Variants in TMEM11 observed in about 807,000 individuals in gnomAD.
TMEM11 encodes transmembrane protein 11, mitochondrial.
TMEM11 carries 1 observed loss-of-function variant against 17.0 expected under a neutral mutation model. That is an observed-to-expected ratio of 0.06 (90% CI 0.02 to 0.28). The LOEUF (loss-of-function observed/expected upper bound fraction) is 0.28. Ranked by LOEUF, TMEM11 falls within the 10% of genes least tolerant of loss-of-function variation. The pLI is 1.00. For missense variants in TMEM11, 172 were observed against 252.9 expected (o/e 0.68, Z 2.17); for synonymous variants, 122 against 118.1 (o/e 1.03, Z -0.21).
At chr17:21,212,353 G>A (rs1228492997) in intron 1 of TMEM11, among the ~76,000 whole-genome samples, 2 of 75,106 alleles carry the variant, frequency 2.7e-5, no homozygotes, top group African/African-American at 4.5e-5. Context: ...CAAGCTGACA[G>A]GTGATTTGAG....
At chr17:21,209,398 G>A (rs771378167) in intron 1 of TMEM11, among the ~76,000 whole-genome samples, 2 of 152,188 alleles carry the variant, frequency 1.3e-5, no homozygotes, top group African/African-American at 4.8e-5. Context: ...GGGAACAGTC[G>A]CCAAGCACTG....
At chr17:21,205,398 G>C (rs1974931714) in intron 1 of TMEM11, among the ~76,000 whole-genome samples, 1 of 152,164 alleles carries the variant, frequency 6.6e-6, no homozygotes, top group Admixed American at 6.6e-5. Flanking sequence ...GCCACTGAAA[G>C]CCAACTATAA....
At chr17:21,210,102 C>T (rs1974986869) in intron 1 of TMEM11, among the ~76,000 whole-genome samples, 3 of 152,214 alleles carry the variant, frequency 2.0e-5, no homozygotes, top group Non-Finnish European at 4.4e-5. Context: ...GGAGCCACCT[C>T]CCCACCTCCG....
intron 1 of TMEM11, among the ~76,000 whole-genome samples, chr17:21,201,192 T>C (rs1974879343): frequency 6.6e-6 from 1 of 152,254 alleles, no homozygotes; most frequent in Non-Finnish European, 1.5e-5. Context: ...ATGGGCTGAC[T>C]GTGCCCCCAA....
chr17:21,199,200 A>G lies in TMEM11; in HGVS notation c.63-360T>C, dbSNP rs1460579760. On this transcript the variant is annotated intron_variant, in intron 1 of 1. Coordinates refer to ENST00000317635, the MANE Select transcript of TMEM11 (RefSeq NM_003876.3). Reference sequence around the variant, plus strand: ...TAGCCAGGTGTGGTGGCGCATGCCTATAATCCCTGTAATCTACTCGGGAGG... The same window carrying G: ...TAGCCAGGTGTGGTGGCGCATGCCTGTAATCCCTGTAATCTACTCGGGAGG... Among the ~76,000 whole-genome samples the G allele has an allele frequency of 2.0e-5, 3 of 151,840 alleles. No homozygotes were observed. The East Asian group carries it at 5.8e-4, about 29-fold the overall frequency.
chr17:21,198,790 C>T lies in TMEM11; in HGVS notation c.113G>A (p.Gly38Glu), dbSNP rs1295260523. 3.1e-6 allele frequency: 5 copies of T among 1,613,968 alleles called. No individual in the cohort carries two copies. Among genetic ancestry groups the T allele is most frequent in the East Asian group, 2.2e-5 (1 of 44,874 alleles). The change falls in exon 2 of 2, where the codon GGG (glycine) becomes GAG (glutamate). Residue 38 changes from glycine (G) to glutamate (E), a missense_variant. By Grantham distance (98) the Gly-to-Glu change is moderately conservative. Around this residue, in one of 2 missense-constraint regions of TMEM11, gnomAD observed 123 missense variants for 213.6 expected, o/e 0.58. Transcript: ENST00000317635. This position sits in a 1 kb window ranked among gnomAD's most constrained non-coding sequence, Gnocchi z 6.5. ...DCYIVHEIYN[G>E]ENAQDQFEYE... ...CTCAAACTGGTCTTGGGCATTCTCC[C>T]CATTGTAGATCTCATGCACAATGTA...
At chr17:21,200,584 G>A (rs1974872646) in intron 1 of TMEM11, among the ~76,000 whole-genome samples, 1 of 152,190 alleles carries the variant, frequency 6.6e-6, no homozygotes, top group Non-Finnish European at 1.5e-5. Context: ...AAGGACACAA[G>A]GCTCCAGGGA....
At chr17:21,204,626 C>T (rs1303400530) in intron 1 of TMEM11, among the ~76,000 whole-genome samples, 1 of 151,868 alleles carries the variant, frequency 6.6e-6, no homozygotes, top group Non-Finnish European at 1.5e-5. Context: ...ACACAAAGAC[C>T]TGATTTTTAT....
At chr17:21,213,961 T>A (rs1299627789) in intron 1 of TMEM11, 130 bp downstream of exon 1, 1 of 882,922 alleles carries the variant, frequency 1.1e-6, no homozygotes, top group African/African-American at 1.7e-5. Flanking sequence ...TGGAACCCAG[T>A]ATGCCCGGCG....
At chr17:21,210,725 G>A (rs1002940338) in intron 1 of TMEM11, among the ~76,000 whole-genome samples, 12 of 152,354 alleles carry the variant, frequency 7.9e-5, no homozygotes, top group African/African-American at 2.6e-4. Context: ...CCAGGGAACT[G>A]GCTGCCTATA....
chr17:21,207,761 G>A (rs943892286), intron 1 of TMEM11, among the ~76,000 whole-genome samples: 35 of 149,522 alleles, frequency 2.3e-4, no homozygotes, highest in Admixed American at 2.0e-3. Context: ...GGTGACAGGC[G>A]CCTGTAATCC....
chr17:21,209,382 G>C (rs1203205996), intron 1 of TMEM11, among the ~76,000 whole-genome samples: 1 of 152,254 alleles, frequency 6.6e-6, no homozygotes, highest in Non-Finnish European at 1.5e-5. Flanking sequence ...GGACTGCAGT[G>C]AAGATGGGAA....
intron 1 of TMEM11, among the ~76,000 whole-genome samples, chr17:21,205,694 G>T (rs1239906925): frequency 6.6e-6 from 1 of 151,870 alleles, no homozygotes; most frequent in African/African-American, 2.4e-5. Flanking sequence ...CCCATGAAAT[G>T]ATCCCCCCAT....
rs553244061 is a variant in TMEM11 at position 21,207,372 on chromosome 17, A to G, written c.62+6719T>C. Among the ~76,000 whole-genome samples, 3 of 151,978 alleles carry G rather than the reference A, an allele frequency of 2.0e-5. No individual in the cohort carries two copies. The South Asian group carries it at 6.2e-4, about 32-fold the overall frequency. ...TGGTGAAACTGTGTCCCTACTAAAAATACAAAAATTAGCTGGGCGTGGTGG... is the reference window on the plus strand; with the variant it reads ...TGGTGAAACTGTGTCCCTACTAAAAGTACAAAAATTAGCTGGGCGTGGTGG... On this transcript the variant is annotated intron_variant, in intron 1 of 1. Coordinates refer to ENST00000317635, the MANE Select transcript of TMEM11 (RefSeq NM_003876.3).
At chr17:21,199,275 C>T (rs1032171207) in intron 1 of TMEM11, among the ~76,000 whole-genome samples, 11 of 142,588 alleles carry the variant, frequency 7.7e-5, no homozygotes, top group South Asian at 2.2e-4. Flanking sequence ...TGCAGTGAGC[C>T]GAGATCGTGC....
intron 1 of TMEM11, among the ~76,000 whole-genome samples, chr17:21,201,455 C>T (rs895257621): frequency 6.6e-6 from 1 of 152,150 alleles, no homozygotes; most frequent in Non-Finnish European, 1.5e-5. Context: ...GCCAGTGTCA[C>T]GGCTGCCTCG....
At chr17:21,204,543 C>G (rs2144299057) in intron 1 of TMEM11, among the ~76,000 whole-genome samples, 1 of 150,822 alleles carries the variant, frequency 6.6e-6, no homozygotes, top group Middle Eastern at 3.5e-3. Flanking sequence ...AGAGTGTTTA[C>G]AGTATGCTAT....
At chr17:21,209,345 G>A (rs1027798430) in intron 1 of TMEM11, among the ~76,000 whole-genome samples, 2 of 152,176 alleles carry the variant, frequency 1.3e-5, no homozygotes, top group African/African-American at 2.4e-5. Context: ...GTTGTCAAAC[G>A]GGGCCAGAGG....
chr17:21,205,168 A>C (rs1389407680), intron 1 of TMEM11, among the ~76,000 whole-genome samples: 6 of 152,134 alleles, frequency 3.9e-5, no homozygotes, highest in Non-Finnish European at 8.8e-5. Context: ...GGATGTGGGC[A>C]GCCTGTGCCT....
Sources: allele counts gnomAD v4.1 joint callset (sites outside exome capture counted in the v4.1 genomes callset), GRCh38; gene constraint gnomAD v4.1.1; regional missense constraint gnomAD v4.1.1; non-coding constraint Gnocchi (gnomAD v3.1); transcripts MANE v1.5; gene names NCBI Gene and HGNC (gene_info 2026-07-23, HGNC 2026-07-21).